Variants in ATAD2B observed in about 807,000 individuals in gnomAD.
ATAD2B encodes the protein ATPase family AAA domain-containing protein 2B.
Under a neutral mutation model 167.6 loss-of-function variants are expected in ATAD2B, and 40 were observed. The observed-to-expected ratio is 0.24, with a 90% CI of 0.19 to 0.31. ATAD2B has a LOEUF of 0.31. Among genes scored for constraint, ATAD2B ranks in the 10% least tolerant of loss-of-function variants. The pLI is 1.00. For missense variants in ATAD2B, 1,242 were observed against 1,757.2 expected, an observed-to-expected ratio of 0.71 and a Z score of 5.24; for synonymous variants, 579 against 596.5, an observed-to-expected ratio of 0.97 and a Z score of 0.43.
chr2:23,892,017 C>T (rs1004858378), intron 2 of ATAD2B, among the ~76,000 whole-genome samples: 2 of 152,170 alleles, frequency 1.3e-5, no homozygotes, highest in African/African-American at 2.4e-5. Flanking sequence ...TTCTGACAGA[C>T]GTCACTTAAC....
chr2:23,755,537 A>G (rs1414089553), intron 25 of ATAD2B, among the ~76,000 whole-genome samples: 1 of 152,138 alleles, frequency 6.6e-6, no homozygotes, highest in Non-Finnish European at 1.5e-5. Context: ...TACTCTTAAG[A>G]GGAGGATGAG....
chr2:23,701,718 A>G, the ATAD2B span, among the ~76,000 whole-genome samples: 1 of 152,010 alleles, frequency 6.6e-6, no homozygotes, highest in East Asian at 1.9e-4. Flanking sequence ...CCCTGCCTCA[A>G]ACAAACAAAC....
At chr2:23,716,860 C>T in the ATAD2B span, among the ~76,000 whole-genome samples, 23 of 152,182 alleles carry the variant, frequency 1.5e-4, no homozygotes, top group East Asian at 1.9e-4. Flanking sequence ...GTGCCCTCAC[C>T]TTACTCTCAG....
At chr2:23,834,248 G>A (rs889354223) in intron 13 of ATAD2B, among the ~76,000 whole-genome samples, 170 bp from the exon 14 acceptor site, 11 of 123,092 alleles carry the variant, frequency 8.9e-5, no homozygotes, top group East Asian at 2.9e-4. Context: ...TGCAATCTCC[G>A]CCTCCCGGGT....
intron 1 of ATAD2B, among the ~76,000 whole-genome samples, chr2:23,897,272 C>A (rs1379934673): frequency 2.0e-5 from 3 of 152,232 alleles, no homozygotes; most frequent in East Asian, 1.9e-4. Context: ...TCCTTCCCAT[C>A]CCTAGGGATG....
At chr2:23,887,568 T>C (rs1268947074) in intron 4 of ATAD2B, among the ~76,000 whole-genome samples, 2 of 152,182 alleles carry the variant, frequency 1.3e-5, no homozygotes, top group Non-Finnish European at 2.9e-5. Context: ...GATGACATAT[T>C]ATCTGAGAAG....
chr2:23,729,635 G>A, the ATAD2B span, among the ~76,000 whole-genome samples: 1 of 152,032 alleles, frequency 6.6e-6, no homozygotes, highest in Non-Finnish European at 1.5e-5. Flanking sequence ...CACTAAATTT[G>A]TTGTAATTTT....
intron 1 of ATAD2B, among the ~76,000 whole-genome samples, chr2:23,903,380 TATA>T (rs148441083): frequency 3.9e-5 from 6 of 152,004 alleles, no homozygotes; most frequent in South Asian, 2.1e-4. Flanking sequence ...CCAAGAGAAG[TATA>T]ATAATAATAA....
the ATAD2B span, among the ~76,000 whole-genome samples, chr2:23,686,605 TC>T: frequency 6.6e-6 from 1 of 151,872 alleles, no homozygotes; most frequent in East Asian, 1.9e-4. Context: ...GTCACGGGCA[TC>T]AGAGGTCACA....
chr2:23,885,926 T>C (rs1405842832), intron 4 of ATAD2B, 97 bp from the exon 5 acceptor site: 11 of 691,842 alleles, frequency 1.6e-5, no homozygotes, highest in Non-Finnish European at 2.3e-5. Context: ...CTCTGATGTG[T>C]AACTACACAC....
At chr2:23,817,478 A>G (rs1016421045) in intron 17 of ATAD2B, among the ~76,000 whole-genome samples, 4 of 152,222 alleles carry the variant, frequency 2.6e-5, no homozygotes, top group African/African-American at 7.2e-5. Context: ...GACAGCAAAT[A>G]TCACTACTTC....
At chr2:23,877,507 G>A (rs1317715271) in intron 7 of ATAD2B, among the ~76,000 whole-genome samples, 2 of 90,756 alleles carry the variant, frequency 2.2e-5, no homozygotes, top group African/African-American at 4.3e-5. Context: ...GAAGGGAAGG[G>A]GAGGGAAGGG....
At chr2:23,684,329 A>C in the ATAD2B span, 48 of 1,195,142 alleles carry the variant, frequency 4.0e-5, no homozygotes, top group Non-Finnish European at 4.8e-5. This position sits in a 1 kb window ranked among gnomAD's most constrained non-coding sequence, Gnocchi z 4.4. Flanking sequence ...AAGAAAAAAA[A>C]CTTTTTTTAA....
chr2:23,685,016 G>A, the ATAD2B span, among the ~76,000 whole-genome samples: 1 of 152,226 alleles, frequency 6.6e-6, no homozygotes, highest in Non-Finnish European at 1.5e-5. Flanking sequence ...GGAGCACAAG[G>A]TGCCCCCGGG....
At chr2:23,835,475 A>G (rs1572966212) in intron 13 of ATAD2B, among the ~76,000 whole-genome samples, 1 of 152,344 alleles carries the variant, frequency 6.6e-6, no homozygotes, top group African/African-American at 2.4e-5. Context: ...ATAGAAAAAG[A>G]AAGTATATTA....
chr2:23,780,201 T>A (rs532985897), intron 22 of ATAD2B, among the ~76,000 whole-genome samples: 30 of 150,896 alleles, frequency 2.0e-4, no homozygotes, highest in African/African-American at 7.1e-4. Flanking sequence ...TGAGATGAGG[T>A]CACACCGCTG....
At chr2:23,845,665 G>A (rs565563433) in intron 13 of ATAD2B, among the ~76,000 whole-genome samples, 8 of 134,518 alleles carry the variant, frequency 5.9e-5, no homozygotes, top group African/African-American at 1.4e-4. Flanking sequence ...CTGCAGCCTC[G>A]ACCTCCTGGG....
chr2:23,742,886 TA>T, the ATAD2B span, among the ~76,000 whole-genome samples: 1 of 151,964 alleles, frequency 6.6e-6, no homozygotes. Context: ...TTTCTCAGAC[TA>T]AAAGGACATG....
chr2:23,820,123 C>T lies in ATAD2B; in HGVS notation c.2132-241G>A, dbSNP rs184552296. 3.3e-5 allele frequency among the ~76,000 whole-genome samples: 5 copies of T among 151,940 alleles called. No individual in the cohort carries two copies. In the East Asian group the frequency reaches 9.7e-4, roughly 29 times the overall value. On this transcript the variant is annotated intron_variant, in intron 16 of 27. Transcript: ENST00000238789. ...ATGAGATATAATTTGGAAGAACTCA[C>T]TGACTGGCTTAAAAAAAAAAAACAA...
Sources: gnomAD v4.1 joint callset for allele counts (sites outside exome capture counted in the v4.1 genomes callset) on GRCh38, gnomAD v4.1.1 for gene constraint, Gnocchi (gnomAD v3.1) non-coding constraint, MANE v1.5 for transcripts, NCBI Gene and HGNC (gene_info 2026-07-23, HGNC 2026-07-21) for gene names.